FGF10: variants seen among roughly 807,000 people sequenced by gnomAD.
The protein encoded by FGF10 is fibroblast growth factor 10.
A neutral mutation model predicts 19.8 loss-of-function variants in FGF10; 2 were observed. The ratio of observed to expected loss-of-function variants is 0.10; its 90% confidence interval spans 0.04 to 0.32. FGF10 has a LOEUF of 0.32. Among genes scored for constraint, FGF10 ranks in the 10% least tolerant of loss-of-function variants. The pLI is 1.00. For synonymous variants in FGF10, 112 were observed against 94.0 expected (o/e 1.19, Z -1.10); for missense variants, 191 against 246.3 (o/e 0.78, Z 1.50).
rs199743095 is a variant in FGF10, at chr5:44,388,362, C to G, written c.321G>C (p.Pro107=). Residue 107 remains proline (P), a synonymous_variant, in exon 1 of 3, where the codon CCG becomes CCC. Coordinates refer to ENST00000264664, the MANE Select transcript of FGF10 (RefSeq NM_004465.2). ...GAGCATGCATTTGTTACTTACTGTA[C>G]GGGCAGTTCTCCTTCTTGGTCCCGC... ...KVSGTKKENC[P]YSILEITSVE... 4.3e-6 allele frequency: 7 copies of G among 1,612,864 alleles called. No individual in the cohort carries two copies. The highest frequency in any genetic ancestry group is 5.9e-6 in the Non-Finnish European group (7 of 1,179,788).
At position 44,305,142 on chromosome 5, in the gene FGF10, T is replaced by C; in HGVS notation, c.480A>G (p.Gly160=). Residue 160 remains glycine, a synonymous_variant, in exon 3 of 3, where the codon GGA becomes GGG. Coordinates refer to ENST00000264664, the MANE Select transcript of FGF10 (RefSeq NM_004465.2). ...AGTTAAATGATGCATAGGTATTGTA[T>C]CCATTTTCCTCTATCCTCTCCTTCA... ...CKLKERIEEN[G]YNTYASFNWQ... The C allele has an allele frequency of 6.2e-7, 1 of 1,613,996 alleles. No individual in the cohort carries two copies. Among genetic ancestry groups the C allele is most frequent in the Non-Finnish European group, 8.5e-7 (1 of 1,179,898 alleles).
At chr5:44,312,195 TACACAC>T (rs35763425) in intron 1 of FGF10, among the ~76,000 whole-genome samples, 2 of 150,264 alleles carry the variant, frequency 1.3e-5, no homozygotes, top group African/African-American at 2.4e-5. Context: ...TTCCCTAAGG[TACACAC>T]ACACACACAC....
At chr5:44,360,307 T>C (rs1741450641) in intron 1 of FGF10, among the ~76,000 whole-genome samples, 2 of 151,604 alleles carry the variant, frequency 1.3e-5, no homozygotes, top group Non-Finnish European at 3.0e-5. Flanking sequence ...GGCAAAACAT[T>C]TAATGTGTTA....
rs761116992 is a variant in FGF10, at chr5:44,388,514, A to C, written c.169T>G (p.Phe57Val). The change falls in exon 1 of 3, where the codon TTC becomes GTC. Residue 57 changes from phenylalanine (F) to valine (V), a missense_variant. Transcript: ENST00000264664. ...PEATNSSSSS[F>V]SSPSSAGRHV... is the part of the protein sequence containing the mutation. Reference sequence around the variant, plus strand: ...CTTCCCGCGCTGGAAGGAGAGGAGAAGGAGGAGGAAGAAGAGTTGGTGGCC... The same window carrying C: ...CTTCCCGCGCTGGAAGGAGAGGAGACGGAGGAGGAAGAAGAGTTGGTGGCC... The C allele has an allele frequency of 6.2e-7, 1 of 1,614,132 alleles. No individual in the cohort carries two copies. The highest frequency in any genetic ancestry group is 8.5e-7 in the Non-Finnish European group (1 of 1,180,022).
chr5:44,386,121 A>G (rs752344530), intron 1 of FGF10, among the ~76,000 whole-genome samples: 1 of 152,096 alleles, frequency 6.6e-6, no homozygotes, highest in Non-Finnish European at 1.5e-5. Context: ...CACCCCTTTT[A>G]TACAATATAT....
chr5:44,342,912 C>T (rs936327463), intron 1 of FGF10, among the ~76,000 whole-genome samples: 2 of 151,906 alleles, frequency 1.3e-5, no homozygotes, highest in Non-Finnish European at 2.9e-5. Context: ...TCCTCTTCCC[C>T]AAATGCATCA....
intron 1 of FGF10, among the ~76,000 whole-genome samples, chr5:44,371,599 G>A (rs546145877): frequency 3.7e-4 from 57 of 152,096 alleles, no homozygotes; most frequent in African/African-American, 9.9e-4. Context: ...TGAATGTATC[G>A]CCCAAAGGAA....
intron 1 of FGF10, among the ~76,000 whole-genome samples, chr5:44,321,142 A>G (rs528903998): frequency 1.1e-4 from 17 of 152,308 alleles, no homozygotes; most frequent in Middle Eastern, 3.4e-3. Context: ...ATTGGTGAAG[A>G]GTTGATCCTT....
intron 1 of FGF10, among the ~76,000 whole-genome samples, chr5:44,355,655 T>C (rs1741330558): frequency 1.3e-5 from 2 of 151,264 alleles, no homozygotes; most frequent in African/African-American, 4.8e-5. Context: ...TAATGGTCCA[T>C]ATTTTTCCGC....
At chr5:44,375,725 C>T (rs1393232619) in intron 1 of FGF10, among the ~76,000 whole-genome samples, 1 of 150,988 alleles carries the variant, frequency 6.6e-6, no homozygotes, top group African/African-American at 2.5e-5. Context: ...TGTGATAGTA[C>T]ACTGAGACTG....
chr5:44,380,397 A>G (rs913459258), intron 1 of FGF10, among the ~76,000 whole-genome samples: 4 of 152,218 alleles, frequency 2.6e-5, no homozygotes, highest in African/African-American at 9.6e-5. Context: ...GAAAACACTT[A>G]TGGAATTAAT....
chr5:44,337,788 A>T (rs1374703330), intron 1 of FGF10, among the ~76,000 whole-genome samples: 1 of 152,116 alleles, frequency 6.6e-6, no homozygotes. Flanking sequence ...AAAAATACAA[A>T]AAATTAGCCA....
At chr5:44,321,696 T>G (rs1325907389) in intron 1 of FGF10, among the ~76,000 whole-genome samples, 2 of 152,176 alleles carry the variant, frequency 1.3e-5, no homozygotes, top group Non-Finnish European at 2.9e-5. Context: ...TCAACCACAT[T>G]AAAGTACATG....
chr5:44,352,714 T>G (rs752301721), intron 1 of FGF10, among the ~76,000 whole-genome samples: 2 of 151,564 alleles, frequency 1.3e-5, no homozygotes, highest in Non-Finnish European at 3.0e-5. Flanking sequence ...ACCTTTCAAT[T>G]TAGAAGATAC....
chr5:44,369,306 G>A (rs1218323295), intron 1 of FGF10, among the ~76,000 whole-genome samples: 1 of 152,086 alleles, frequency 6.6e-6, no homozygotes, highest in Non-Finnish European at 1.5e-5. Context: ...AACTCTTTGA[G>A]TTCAAAAGAT....
At chr5:44,330,187 AAC>A (rs1213967518) in intron 1 of FGF10, among the ~76,000 whole-genome samples, 3 of 152,200 alleles carry the variant, frequency 2.0e-5, no homozygotes, top group Non-Finnish European at 4.4e-5. Flanking sequence ...GAGCATTATA[AAC>A]AAGGTGCAAG....
chr5:44,383,266 G>T (rs974367432), intron 1 of FGF10, among the ~76,000 whole-genome samples: 1 of 149,456 alleles, frequency 6.7e-6, no homozygotes, highest in African/African-American at 2.6e-5. Flanking sequence ...TCTACTATCA[G>T]TTCTTTAAAT....
Position 44,301,508 on chromosome 5 carries a change from C to A in FGF10, c.*3487G>T, listed in dbSNP as rs1739963967. On this transcript the variant is annotated 3_prime_UTR_variant, in exon 3 of 3. Transcript: ENST00000264664. ...AAATCAAATTCATTGGTCATTCATCCCCTTGAAATCAGATTCTGCAGCCAC... is the reference window on the plus strand; with the variant it reads ...AAATCAAATTCATTGGTCATTCATCACCTTGAAATCAGATTCTGCAGCCAC... Among the ~76,000 whole-genome samples the A allele has an allele frequency of 6.6e-6, 1 of 152,084 alleles. No individual in the cohort carries two copies. Among genetic ancestry groups the A allele is most frequent in the African/African-American group, 2.4e-5 (1 of 41,422 alleles).
intron 1 of FGF10, among the ~76,000 whole-genome samples, chr5:44,317,931 T>C (rs1220782859): frequency 6.6e-6 from 1 of 152,116 alleles, no homozygotes; most frequent in Non-Finnish European, 1.5e-5. Flanking sequence ...TGAGAACTGT[T>C]CATAATAAGT....
Sources: gnomAD v4.1 joint callset for allele counts (sites outside exome capture counted in the v4.1 genomes callset) on GRCh38, gnomAD v4.1.1 for gene constraint, MANE v1.5 for transcripts, NCBI Gene and HGNC (gene_info 2026-07-23, HGNC 2026-07-21) for gene names.